Variants in STAC observed in about 807,000 individuals in gnomAD.
The protein encoded by STAC is SH3 and cysteine rich domain, also known as SH3 and cysteine-rich domain-containing protein.
In STAC, 43 loss-of-function variants were observed where a neutral mutation model predicts 48.8. The ratio of observed to expected loss-of-function variants is 0.88; its 90% confidence interval spans 0.69 to 1.14. The LOEUF is 1.14. Among genes scored for constraint, STAC ranks in the 50% most tolerant of loss-of-function variants. STAC has a pLI of 0.00. For missense variants in STAC, 497 were observed against 504.0 expected, an observed-to-expected ratio of 0.99 and a Z score of 0.13; for synonymous variants, 193 against 179.5, an observed-to-expected ratio of 1.07 and a Z score of -0.60.
intron 2 of STAC, among the ~76,000 whole-genome samples, chr3:36,449,504 T>C (rs1481877043): frequency 6.6e-6 from 1 of 152,212 alleles, no homozygotes; most frequent in African/African-American, 2.4e-5. Context: ...AGATTATTAA[T>C]TATAAATGAC....
intron 1 of STAC, among the ~76,000 whole-genome samples, chr3:36,403,060 T>G (rs1700027985): frequency 6.6e-6 from 1 of 152,182 alleles, no homozygotes; most frequent in Admixed American, 6.5e-5. Flanking sequence ...AATTGATATC[T>G]TCAGAGAGAT....
chr3:36,395,105 C>G (rs2125620221), intron 1 of STAC, among the ~76,000 whole-genome samples: 1 of 151,856 alleles, frequency 6.6e-6, no homozygotes, highest in East Asian at 1.9e-4. Flanking sequence ...GTCACAGTAA[C>G]CTTCAAAAAG....
At chr3:36,523,351 T>C (rs1198234054) in intron 8 of STAC, among the ~76,000 whole-genome samples, 4 of 152,240 alleles carry the variant, frequency 2.6e-5, no homozygotes, top group Non-Finnish European at 5.9e-5. Flanking sequence ...CTGACCTCTT[T>C]TCACTAAAGG....
intron 1 of STAC, among the ~76,000 whole-genome samples, chr3:36,436,943 AC>A (rs534010328): frequency 2.0e-5 from 3 of 151,744 alleles, no homozygotes; most frequent in Admixed American, 2.0e-4. Flanking sequence ...AAAACAAACA[AC>A]CCCATCAAAA....
intron 1 of STAC, among the ~76,000 whole-genome samples, chr3:36,420,130 C>T (rs35122810): frequency 0.12 from 18,796 of 152,146 alleles, 1,233 homozygotes; most frequent in Non-Finnish European, 0.15. Flanking sequence ...TTAGTTAGCA[C>T]TGAGAATAGA....
chr3:36,477,668 C>T (rs73067855), intron 2 of STAC, among the ~76,000 whole-genome samples: 1,964 of 152,292 alleles, frequency 0.013, 26 homozygotes, highest in South Asian at 0.027. Context: ...AGCCCACTGC[C>T]TACCTCCTAA....
chr3:36,487,461 A>G (rs1697844226), intron 5 of STAC, among the ~76,000 whole-genome samples: 1 of 152,238 alleles, frequency 6.6e-6, no homozygotes, highest in Admixed American at 6.5e-5. Context: ...CTTACTGTAC[A>G]TAAAATTGAC....
chr3:36,421,739 T>G (rs918896026), intron 1 of STAC, among the ~76,000 whole-genome samples: 1 of 152,176 alleles, frequency 6.6e-6, no homozygotes, highest in African/African-American at 2.4e-5. Context: ...GTGCATTCCA[T>G]GAAAGCTTCC....
intron 6 of STAC, among the ~76,000 whole-genome samples, chr3:36,501,251 A>C (rs1698276699): frequency 6.6e-6 from 1 of 152,210 alleles, no homozygotes; most frequent in Non-Finnish European, 1.5e-5. Context: ...TGTTAAAAAA[A>C]TAAGAAAGTC....
intron 5 of STAC, among the ~76,000 whole-genome samples, chr3:36,492,031 A>AAAAAAAATAT (rs1553639882): frequency 4.3e-4 from 7 of 16,438 alleles, no homozygotes; most frequent in Non-Finnish European, 7.1e-4. Context: ...AAAAAAAAAA[A>AAAAAAAATAT]ATATATATAT....
At chr3:36,426,135 C>G (rs960928612) in intron 1 of STAC, among the ~76,000 whole-genome samples, 30 of 152,176 alleles carry the variant, frequency 2.0e-4, no homozygotes, top group Non-Finnish European at 3.5e-4. Flanking sequence ...CCAGAGCCCT[C>G]CTGAATTGAA....
chr3:36,495,324 C>T (rs1243664742), intron 6 of STAC, among the ~76,000 whole-genome samples: 1 of 152,182 alleles, frequency 6.6e-6, no homozygotes, highest in Non-Finnish European at 1.5e-5. Flanking sequence ...TTGGACATTG[C>T]CATCTGAATG....
chr3:36,500,011 G>A (rs180852752), intron 6 of STAC, among the ~76,000 whole-genome samples: 139 of 152,156 alleles, frequency 9.1e-4, no homozygotes, highest in African/African-American at 3.2e-3. Context: ...CTGATACATA[G>A]CCTGAAAAAT....
intron 2 of STAC, among the ~76,000 whole-genome samples, chr3:36,469,130 G>A (rs1012350547): frequency 6.6e-5 from 10 of 151,872 alleles, no homozygotes; most frequent in Non-Finnish European, 1.3e-4. Flanking sequence ...TATTCATCGT[G>A]CTATTTGTTG....
intron 10 of STAC, among the ~76,000 whole-genome samples, chr3:36,542,976 A>G (rs1362134706): frequency 6.6e-6 from 1 of 152,198 alleles, no homozygotes. Context: ...TAGGCAATGA[A>G]AATATCTCTA....
intron 1 of STAC, 69 bp downstream of exon 1, chr3:36,380,823 C>G (rs1699493441): frequency 3.2e-6 from 4 of 1,241,670 alleles, no homozygotes; most frequent in East Asian, 5.1e-5. Flanking sequence ...AGCTTTGTCT[C>G]TCCTCCTATC....
chr3:36,495,893 C>T (rs906271393), intron 6 of STAC, among the ~76,000 whole-genome samples: 2 of 152,182 alleles, frequency 1.3e-5, no homozygotes, highest in Non-Finnish European at 1.5e-5. Context: ...CAGGCCATTC[C>T]ACACCTGCTG....
chr3:36,477,735 T>TA (rs1697530865), intron 2 of STAC, among the ~76,000 whole-genome samples: 1 of 152,212 alleles, frequency 6.6e-6, no homozygotes. Flanking sequence ...ACATCGTGAC[T>TA]AAAATTTTTA....
intron 8 of STAC, among the ~76,000 whole-genome samples, chr3:36,517,661 A>G (rs1698705244): frequency 6.6e-6 from 1 of 152,152 alleles, no homozygotes; most frequent in Non-Finnish European, 1.5e-5. Context: ...CTATCTATCT[A>G]TCTATCTAAA....
Sources: allele counts gnomAD v4.1 joint callset (sites outside exome capture counted in the v4.1 genomes callset), GRCh38; gene constraint gnomAD v4.1.1; transcripts MANE v1.5; gene names NCBI Gene and HGNC (gene_info 2026-07-23, HGNC 2026-07-21).